Variants in RPA3 observed in about 807,000 individuals in gnomAD.
RPA3 encodes replication protein A3, also known as replication protein A 14 kDa subunit.
Under a neutral mutation model 13.7 loss-of-function variants are expected in RPA3, and 24 were observed. That is an observed-to-expected ratio of 1.75 (90% CI 1.27 to 2.46). The LOEUF (loss-of-function observed/expected upper bound fraction) is 2.46, where lower values mean the gene tolerates loss of function less well. RPA3 is among the 30% of genes most tolerant of loss of function. RPA3 has a pLI of 0.00. For synonymous variants in RPA3, 59 were observed against 51.2 expected (o/e 1.15, Z -0.65); for missense variants, 183 against 151.0 (o/e 1.21, Z -1.11).
chr7:7,644,787 A>G (rs1185520535), intron 4 of RPA3, among the ~76,000 whole-genome samples: 1 of 151,952 alleles, frequency 6.6e-6, no homozygotes, highest in Non-Finnish European at 1.5e-5. Flanking sequence ...TGTTCTCGGG[A>G]ATGTCTTGGT....
At chr7:7,639,272 C>T (rs1784914376) in intron 5 of RPA3, 128 bp from the exon 6 acceptor site, 1 of 606,864 alleles carries the variant, frequency 1.6e-6, no homozygotes, top group South Asian at 2.5e-5. Context: ...TCAGTTTATT[C>T]AACTTATTGG....
chr7:7,672,272 T>C (rs1286157553), intron 4 of RPA3, among the ~76,000 whole-genome samples: 3 of 152,180 alleles, frequency 2.0e-5, no homozygotes, highest in Non-Finnish European at 4.4e-5. Flanking sequence ...ACCCTTCAAC[T>C]TTCTCCCCAG....
intron 2 of RPA3, among the ~76,000 whole-genome samples, chr7:7,691,611 A>G (rs1433823527): frequency 1.3e-5 from 2 of 152,238 alleles, no homozygotes; most frequent in Non-Finnish European, 1.5e-5. Flanking sequence ...TTGCTGGGGC[A>G]TAGATTCTCT....
chr7:7,692,185 A>G (rs1563127293), intron 2 of RPA3, among the ~76,000 whole-genome samples: 1 of 152,122 alleles, frequency 6.6e-6, no homozygotes. Context: ...GAAAGCAGCT[A>G]GTCAGCAGGT....
At chr7:7,703,607 T>G (rs996039050) in intron 2 of RPA3, among the ~76,000 whole-genome samples, 1 of 152,176 alleles carries the variant, frequency 6.6e-6, no homozygotes, top group Non-Finnish European at 1.5e-5. Flanking sequence ...TAACAACAAT[T>G]TGTCCTAATC....
intron 2 of RPA3, among the ~76,000 whole-genome samples, chr7:7,707,856 A>G (rs1459501662): frequency 6.6e-6 from 1 of 152,122 alleles, no homozygotes; most frequent in African/African-American, 2.4e-5. Context: ...TAATGTAGTT[A>G]TTTTGCTATG....
At chr7:7,704,878 G>T (rs1371274866) in intron 2 of RPA3, among the ~76,000 whole-genome samples, 2 of 149,258 alleles carry the variant, frequency 1.3e-5, no homozygotes, top group Non-Finnish European at 3.0e-5. Flanking sequence ...AAAACGATGT[G>T]TTTTATTTGG....
In RPA3 at chr7:7,677,656, G is replaced by GT. The variant is rs1563112312; in HGVS notation, c.-758+8173dup. ...CCACATTTTCTTTATCTATTCATCT[G>GT]TTTTTTTGTTTTTTTTTTTTTTTTT... On this transcript the variant is annotated intron_variant, in intron 4 of 7. Transcript: ENST00000223129. Among the ~76,000 whole-genome samples the GT allele has an allele frequency of 1.9e-4, 8 of 41,482 alleles. No individual in the cohort carries two copies. In the East Asian group the frequency reaches 3.0e-3, roughly 15 times the overall value. The allele number at this position is 41,482 out of a possible 152,430, so 27.2% of individuals were successfully genotyped here. A position where few individuals can be genotyped will look rare whatever the true frequency, so the allele number is the denominator to read the frequency against.
intron 4 of RPA3, among the ~76,000 whole-genome samples, chr7:7,654,740 T>G (rs754054208): frequency 2.0e-4 from 31 of 151,928 alleles, no homozygotes; most frequent in Non-Finnish European, 3.7e-4. Flanking sequence ...CCATCTCTAC[T>G]AAAAAATACA....
intron 4 of RPA3, among the ~76,000 whole-genome samples, chr7:7,661,249 G>A (rs542805669): frequency 1.3e-5 from 2 of 151,992 alleles, no homozygotes; most frequent in African/African-American, 2.4e-5. Flanking sequence ...GCTTCCTTGC[G>A]TTGGGTTAGA....
chr7:7,661,631 C>T (rs192406615), intron 4 of RPA3, among the ~76,000 whole-genome samples: 2 of 152,270 alleles, frequency 1.3e-5, no homozygotes, highest in East Asian at 1.9e-4. Flanking sequence ...GGATCATCAG[C>T]AGAGGCTGCA....
At chr7:7,648,696 C>T (rs1318249418) in intron 4 of RPA3, among the ~76,000 whole-genome samples, 1 of 151,444 alleles carries the variant, frequency 6.6e-6, no homozygotes, top group African/African-American at 2.4e-5. Flanking sequence ...ACAAAAAATA[C>T]AAAAATTAGC....
At chr7:7,662,487 C>T (rs187652017) in intron 4 of RPA3, among the ~76,000 whole-genome samples, 36 of 152,318 alleles carry the variant, frequency 2.4e-4, no homozygotes, top group Middle Eastern at 3.4e-3. Flanking sequence ...TTGCGAAGAC[C>T]GTGGGAAAAG....
rs1312523523 is a variant in RPA3, at chr7:7,640,426, G to A, written c.-8C>T. ...GTCCATCATGTCCACCATGATTATG[G>A]TCCAAGACTGCGGCTGGCGGGAAAC... On this transcript the variant is annotated 5_prime_UTR_variant, in exon 5 of 8. Coordinates refer to ENST00000223129, the MANE Select transcript of RPA3 (RefSeq NM_002947.5). The A allele has an allele frequency of 5.0e-6, 8 of 1,613,020 alleles. No individual in the cohort carries two copies. The South Asian group carries it at 5.5e-5, about 11-fold the overall frequency.
chr7:7,640,966 C>G lies in RPA3; in HGVS notation c.-548G>C, dbSNP rs975336745. 6.5e-6 allele frequency: 1 copy of G among 154,672 alleles called. No individual in the cohort carries two copies. The highest frequency in any genetic ancestry group is 2.4e-5 in the African/African-American group (1 of 41,444). The allele number at this position is 154,672 out of a possible 1,614,324, so 9.6% of individuals were successfully genotyped here. On this transcript the variant is annotated 5_prime_UTR_variant, in exon 5 of 8. Transcript: ENST00000223129. ...GTACCAGCTGTTCACTGCTGTCTCGCCTTCCCTCTTGCCAGTTCTGCGTGG... is the reference window on the plus strand; with the variant it reads ...GTACCAGCTGTTCACTGCTGTCTCGGCTTCCCTCTTGCCAGTTCTGCGTGG...
chr7:7,649,852 TAA>T (rs1785185861), intron 4 of RPA3, among the ~76,000 whole-genome samples: 2 of 152,178 alleles, frequency 1.3e-5, no homozygotes, highest in Non-Finnish European at 2.9e-5. Context: ...CATGCCCTTA[TAA>T]AAGAGTCAGA....
intron 4 of RPA3, among the ~76,000 whole-genome samples, chr7:7,667,489 C>G (rs769976648): frequency 6.6e-6 from 1 of 152,124 alleles, no homozygotes; most frequent in African/African-American, 2.4e-5. Flanking sequence ...TAAGGATTGC[C>G]TCAGAAATAT....
At chr7:7,692,756 T>C (rs1296750520) in intron 2 of RPA3, among the ~76,000 whole-genome samples, 1 of 152,074 alleles carries the variant, frequency 6.6e-6, no homozygotes, top group East Asian at 1.9e-4. Context: ...ACTACAGGCC[T>C]GCGCCACCAT....
chr7:7,677,353 C>G (rs1779767543), intron 4 of RPA3, among the ~76,000 whole-genome samples: 1 of 152,066 alleles, frequency 6.6e-6, no homozygotes, highest in African/African-American at 2.4e-5. Flanking sequence ...TTCCTTCTAT[C>G]TAACTGTATT....
Sources: allele counts gnomAD v4.1 joint callset (sites outside exome capture counted in the v4.1 genomes callset), GRCh38; gene constraint gnomAD v4.1.1; transcripts MANE v1.5; gene names NCBI Gene and HGNC (gene_info 2026-07-23, HGNC 2026-07-21).